HDAC4: variants seen among roughly 807,000 people sequenced by gnomAD.
HDAC4 encodes histone deacetylase A.
A neutral mutation model predicts 135.1 loss-of-function variants in HDAC4; 16 were observed. The observed-to-expected ratio is 0.12, with a 90% CI of 0.08 to 0.18. HDAC4 has a LOEUF of 0.18. Among genes scored for constraint, HDAC4 ranks in the 10% least tolerant of loss-of-function variants. The pLI is 1.00. For missense variants in HDAC4, 1,143 were observed against 1,511.8 expected (o/e 0.76, Z 4.05); for synonymous variants, 685 against 653.4 (o/e 1.05, Z -0.74).
chr2:239,205,911 G>A (rs906992996), intron 3 of HDAC4, among the ~76,000 whole-genome samples: 2 of 152,200 alleles, frequency 1.3e-5, no homozygotes, highest in Non-Finnish European at 2.9e-5. Flanking sequence ...TTAAGCTCAT[G>A]CAGTAACGTT....
rs896048128 is a variant in HDAC4, at chr2:239,084,107, C to T, written c.2532+48G>A. The T allele has an allele frequency of 1.8e-5, 25 of 1,380,032 alleles. No homozygotes were observed. In the African/African-American group the frequency reaches 2.0e-4, roughly 11 times the overall value. 85.5% of individuals were successfully genotyped at this position (1,380,032 alleles called of 1,614,324 possible). A position where few individuals can be genotyped will look rare whatever the true frequency, so the allele number is the denominator to read the frequency against. ...CCACACGCTGCTGTCCGCTCGGGGA[C>T]GGCAAAGGAGCAACCTGAGCTGCGC... is the stretch of plus-strand genomic sequence containing the variant. On this transcript the variant is annotated intron_variant, in intron 20 of 26. Transcript: ENST00000543185.
intron 22 of HDAC4, among the ~76,000 whole-genome samples, chr2:239,074,549 C>T (rs912379201): frequency 1.8e-4 from 27 of 152,240 alleles, no homozygotes; most frequent in Admixed American, 6.5e-4. Flanking sequence ...ACTGGCACGT[C>T]GGCCACACGT....
In HDAC4 at chr2:239,143,215, T is replaced by A. The variant is rs373067976; in HGVS notation, c.865+1368A>T. On this transcript the variant is annotated intron_variant, in intron 8 of 26. Transcript: ENST00000543185. ...ACAACAGGAACACCAGCTTTAACAC[T>A]CAGAAGAAGCTTGCTGAAGACTCCG... 6.6e-5 allele frequency among the ~76,000 whole-genome samples: 10 copies of A among 151,702 alleles called. No homozygotes were observed. In the East Asian group the frequency reaches 1.4e-3, roughly 21 times the overall value.
At chr2:239,343,124 C>T (rs984378697) in intron 2 of HDAC4, among the ~76,000 whole-genome samples, 1 of 152,190 alleles carries the variant, frequency 6.6e-6, no homozygotes. Flanking sequence ...TTTAAAAGCT[C>T]AGGGCCAGAT....
chr2:239,344,431 T>G (rs571786800), intron 2 of HDAC4, among the ~76,000 whole-genome samples: 5 of 152,200 alleles, frequency 3.3e-5, no homozygotes, highest in African/African-American at 1.2e-4. Context: ...TTCAGAGAAT[T>G]GCCAAAACAA....
At chr2:239,134,197 C>T (rs758506077) in intron 11 of HDAC4, 48 bp downstream of exon 11, 15 of 1,498,872 alleles carry the variant, frequency 1.0e-5, no homozygotes, top group African/African-American at 5.5e-5. Flanking sequence ...CCATCCAGAG[C>T]GTGGGCAGCC....
At chr2:239,296,524 C>G (rs547910109) in intron 2 of HDAC4, among the ~76,000 whole-genome samples, 1 of 152,260 alleles carries the variant, frequency 6.6e-6, no homozygotes, top group East Asian at 1.9e-4. Context: ...GCCTCAACTA[C>G]CTTCCAAGGC....
At chr2:239,096,193 C>T (rs371354032) in intron 16 of HDAC4, among the ~76,000 whole-genome samples, 23 of 152,236 alleles carry the variant, frequency 1.5e-4, no homozygotes, top group East Asian at 1.2e-3. Flanking sequence ...CCGGTTAGCA[C>T]GAGAGGAACC....
At chr2:239,065,708 C>T (rs1261258644) in intron 24 of HDAC4, among the ~76,000 whole-genome samples, 3 of 152,320 alleles carry the variant, frequency 2.0e-5, no homozygotes, top group Non-Finnish European at 4.4e-5. Context: ...GCTGGAGCCT[C>T]AGGCACTGCC....
At chr2:239,243,760 C>T (rs965312903) in intron 2 of HDAC4, among the ~76,000 whole-genome samples, 2 of 152,158 alleles carry the variant, frequency 1.3e-5, no homozygotes, top group Non-Finnish European at 2.9e-5. Flanking sequence ...TCTGCACCCT[C>T]CATGCCCTAC....
At chr2:239,267,270 T>G (rs2049791466) in intron 2 of HDAC4, among the ~76,000 whole-genome samples, 1 of 152,110 alleles carries the variant, frequency 6.6e-6, no homozygotes, top group African/African-American at 2.4e-5. Context: ...TCGTAAACAC[T>G]AATCCGTGAC....
At chr2:239,121,996 G>A (rs1160450759) in intron 12 of HDAC4, among the ~76,000 whole-genome samples, 6 of 152,232 alleles carry the variant, frequency 3.9e-5, no homozygotes, top group African/African-American at 1.2e-4. Flanking sequence ...GACACTGAGA[G>A]CCCCTTTCAT....
At chr2:239,143,306 A>G (rs2041531544) in intron 8 of HDAC4, among the ~76,000 whole-genome samples, 1 of 152,152 alleles carries the variant, frequency 6.6e-6, no homozygotes, top group Admixed American at 6.5e-5. Context: ...TGTCCATTAG[A>G]GCTGGCCAAG....
In HDAC4 at chr2:239,051,663, A is replaced by G. The variant is rs1039007113; in HGVS notation, c.*1434T>C. 1.3e-5 allele frequency: 2 copies of G among 152,628 alleles called. No individual in the cohort carries two copies. The highest frequency in any genetic ancestry group is 4.8e-5 in the African/African-American group (2 of 41,446). The allele number at this position is 152,628 out of a possible 1,614,324, so 9.5% of individuals were successfully genotyped here. The stretch of plus-strand genomic sequence containing the variant: ...GGAGCGGTTCTGTTAGAAAATAATT[A>G]AAATGAAAGTACAAACTTGTAGGGT... On this transcript the variant is annotated 3_prime_UTR_variant, in exon 27 of 27. Coordinates refer to ENST00000543185, the MANE Select transcript of HDAC4 (RefSeq NM_001378414.1).
In HDAC4 at chr2:239,123,787, G is replaced by T. The variant is rs561084572; in HGVS notation, c.1533+2669C>A. ...GTCAGGGCTGCGGGAAGAGGCAGCA[G>T]TGTTGGTGGTGTAGGGGTCTCTCCC... On this transcript the variant is annotated intron_variant, in intron 12 of 26. Coordinates refer to ENST00000543185, the MANE Select transcript of HDAC4 (RefSeq NM_001378414.1). Among the ~76,000 whole-genome samples, 36 of 152,352 alleles carry T rather than the reference G, an allele frequency of 2.4e-4. 1 individual carries two copies. The highest frequency in any genetic ancestry group is 3.4e-3 in the Middle Eastern group (1 of 294).
At position 239,122,981 on chromosome 2, in the gene HDAC4, C is replaced by T. The variant is rs77360328; in HGVS notation, c.1533+3475G>A. On this transcript the variant is annotated intron_variant, in intron 12 of 26. Transcript: ENST00000543185. ...GAAGGGCCGGGACGTCAGTGTTAGGCGGCCCTGGGCAAGATTCTTGTCTTC... is the reference window on the plus strand; with the variant it reads ...GAAGGGCCGGGACGTCAGTGTTAGGTGGCCCTGGGCAAGATTCTTGTCTTC... Among the ~76,000 whole-genome samples the T allele has an allele frequency of 9.8e-3, 1,483 of 152,056 alleles. 34 individuals carry two copies. Among genetic ancestry groups the T allele is most frequent in the African/African-American group, 0.033 (1,358 of 41,344 alleles).
intron 2 of HDAC4, among the ~76,000 whole-genome samples, chr2:239,281,539 C>A (rs1485336398): frequency 6.7e-6 from 1 of 149,758 alleles, no homozygotes; most frequent in Non-Finnish European, 1.5e-5. Flanking sequence ...ACTGAACACA[C>A]CACTCTACAC....
rs1214058955 is a variant in HDAC4 at position 239,053,547 on chromosome 2, A to G, written c.3143T>C (p.Ile1048Thr). 2 of 1,613,822 alleles carry G rather than the reference A, an allele frequency of 1.2e-6. No individual in the cohort carries two copies. The highest frequency in any genetic ancestry group is 1.7e-5 in the Admixed American group (1 of 60,018). ...RTTSTAGRSL[I>T]EAQTCENEEA... ...TTCGTTCTCGCAAGTCTGAGCCTCG[A>G]TCAGAGAACGCCCCGCTGTGGAGGT... The change falls in exon 26 of 27, where the codon ATC becomes ACC. Residue 1048 changes from isoleucine to threonine, a missense_variant. By Grantham distance (89) the Ile-to-Thr change is moderately conservative. Coordinates refer to ENST00000543185, the MANE Select transcript of HDAC4 (RefSeq NM_001378414.1).
At chr2:239,097,194 G>T (rs949234161) in intron 16 of HDAC4, among the ~76,000 whole-genome samples, 1 of 152,234 alleles carries the variant, frequency 6.6e-6, no homozygotes, top group East Asian at 1.9e-4. Flanking sequence ...CAAGGGCAGG[G>T]TCTGTGCCCG....
Sources: allele counts gnomAD v4.1 joint callset (sites outside exome capture counted in the v4.1 genomes callset), GRCh38; gene constraint gnomAD v4.1.1; transcripts MANE v1.5; gene names NCBI Gene and HGNC (gene_info 2026-07-23, HGNC 2026-07-21).